SCFD2: variants seen among roughly 807,000 people sequenced by gnomAD.
SCFD2 encodes the protein sec1 family domain containing 2, also known as sec1 family domain-containing protein 2.
A neutral mutation model predicts 58.9 loss-of-function variants in SCFD2; 54 were observed. The ratio of observed to expected loss-of-function variants is 0.92; its 90% CI spans 0.74 to 1.15. The LOEUF is 1.15. SCFD2 is among the 50% of genes most tolerant of loss of function. The pLI is 0.00. For synonymous variants in SCFD2, 321 were observed against 335.9 expected (o/e 0.96, Z 0.49); for missense variants, 805 against 836.6 (o/e 0.96, Z 0.47).
intron 5 of SCFD2, among the ~76,000 whole-genome samples, chr4:53,113,833 GAGGCATTATTTCTTCTCACTATTGTGAGA>G (rs535812551): frequency 2.4e-5 from 2 of 82,828 alleles, no homozygotes; most frequent in Admixed American, 1.4e-4. Flanking sequence ...CAATAACAAT[GAGGCATTATTTCTTCTCACTATTGTGAGA>G]AGGCATTATT....
At chr4:53,012,838 T>G (rs879922521) in intron 5 of SCFD2, among the ~76,000 whole-genome samples, 6 of 148,952 alleles carry the variant, frequency 4.0e-5, no homozygotes, top group African/African-American at 1.5e-4. Context: ...GTGTGTGTGT[T>G]TTTTTTTAAG....
intron 4 of SCFD2, among the ~76,000 whole-genome samples, chr4:53,196,858 T>C (rs1728074172): frequency 1.3e-5 from 2 of 152,088 alleles, no homozygotes; most frequent in African/African-American, 4.8e-5. Context: ...AATACAAAGC[T>C]ATTTAGAGAC....
In SCFD2 at chr4:53,161,214, G is replaced by T. The variant is rs139157488; in HGVS notation, c.1312-15632C>A. Among the ~76,000 whole-genome samples the T allele has an allele frequency of 2.4e-3, 362 of 152,294 alleles. 1 individual carries two copies. Among genetic ancestry groups the T allele is most frequent in the African/African-American group, 8.0e-3 (334 of 41,566 alleles). ...GGTTGTTGATAATCTTCCAGGTTGA[G>T]CTGGGTGATGATTACACAGCTGTCT... On this transcript the variant is annotated intron_variant, in intron 4 of 8. Transcript: ENST00000401642.
intron 5 of SCFD2, chr4:52,956,327 G>A (rs1280128757): frequency 8.9e-6 from 4 of 447,270 alleles, no homozygotes; most frequent in Non-Finnish European, 1.8e-5. Flanking sequence ...TCATGACAGA[G>A]GTCAAGGGGA....
intron 5 of SCFD2, among the ~76,000 whole-genome samples, chr4:53,011,422 A>T (rs775468784): frequency 7.9e-5 from 12 of 152,200 alleles, no homozygotes; most frequent in Non-Finnish European, 1.6e-4. Flanking sequence ...GAGAAGAAGG[A>T]CTTGATTAGG....
intron 4 of SCFD2, among the ~76,000 whole-genome samples, chr4:53,215,139 C>G (rs894396249): frequency 9.2e-5 from 14 of 152,018 alleles, no homozygotes; most frequent in African/African-American, 3.1e-4. Flanking sequence ...AATGCAGGCT[C>G]TTTTTTGGTT....
At chr4:52,892,655 C>T (rs1451484821) in intron 7 of SCFD2, among the ~76,000 whole-genome samples, 1 of 152,200 alleles carries the variant, frequency 6.6e-6, no homozygotes, top group African/African-American at 2.4e-5. Flanking sequence ...TCTCTGACTC[C>T]CTGACTGAGC....
At chr4:53,267,094 G>C (rs566969450) in intron 4 of SCFD2, among the ~76,000 whole-genome samples, 2 of 152,066 alleles carry the variant, frequency 1.3e-5, no homozygotes, top group African/African-American at 2.4e-5. Context: ...TTCTAAGACC[G>C]ATTTCTTTTT....
At chr4:53,234,269 T>C (rs1330834429) in intron 4 of SCFD2, among the ~76,000 whole-genome samples, 1 of 152,206 alleles carries the variant, frequency 6.6e-6, no homozygotes, top group Non-Finnish European at 1.5e-5. Context: ...ACAGAATACT[T>C]TGGAAAAGGC....
chr4:53,166,365 T>C (rs1727008617), intron 4 of SCFD2, among the ~76,000 whole-genome samples: 1 of 152,214 alleles, frequency 6.6e-6, no homozygotes, highest in African/African-American at 2.4e-5. Flanking sequence ...TTTCTTTGCT[T>C]TTGTGGCAAA....
At chr4:52,923,370 T>C (rs1235547754) in intron 5 of SCFD2, among the ~76,000 whole-genome samples, 1 of 151,866 alleles carries the variant, frequency 6.6e-6, no homozygotes, top group East Asian at 1.9e-4. Context: ...CCGAGCTACT[T>C]GGGAGGCTGA....
At chr4:53,096,739 T>C (rs1338947302) in intron 5 of SCFD2, among the ~76,000 whole-genome samples, 3 of 152,246 alleles carry the variant, frequency 2.0e-5, no homozygotes, top group African/African-American at 7.2e-5. Flanking sequence ...TTTGTCAATT[T>C]TGGCTTTTGT....
intron 4 of SCFD2, among the ~76,000 whole-genome samples, chr4:53,266,499 G>A (rs1730988319): frequency 6.6e-6 from 1 of 151,952 alleles, no homozygotes; most frequent in South Asian, 2.1e-4. Context: ...AACACTATGA[G>A]GTAGATACTT....
At chr4:52,914,565 T>G (rs1227660675) in intron 6 of SCFD2, among the ~76,000 whole-genome samples, 2 of 152,140 alleles carry the variant, frequency 1.3e-5, no homozygotes, top group East Asian at 3.9e-4. Context: ...GGGGAGCTAC[T>G]TTCCTGTCTC....
intron 5 of SCFD2, among the ~76,000 whole-genome samples, chr4:53,143,795 T>TACACACACATAC (rs1553880504): frequency 1.4e-4 from 20 of 146,658 alleles, no homozygotes; most frequent in African/African-American, 4.8e-4. Context: ...CACCTAAACA[T>TACACACACATAC]ACACACACAC....
intron 5 of SCFD2, among the ~76,000 whole-genome samples, chr4:53,143,751 C>G (rs1227479642): frequency 6.6e-6 from 1 of 151,608 alleles, no homozygotes; most frequent in African/African-American, 2.4e-5. Flanking sequence ...TAAGCGGCCT[C>G]AGCTGCAACT....
chr4:53,281,199 T>C (rs774933782), intron 3 of SCFD2, among the ~76,000 whole-genome samples: 1 of 152,250 alleles, frequency 6.6e-6, no homozygotes, highest in Non-Finnish European at 1.5e-5. Flanking sequence ...GTTCTATATA[T>C]GCTGTAACAT....
At chr4:53,152,930 C>T (rs149783043) in intron 4 of SCFD2, among the ~76,000 whole-genome samples, 161 of 152,336 alleles carry the variant, frequency 1.1e-3, no homozygotes, top group Middle Eastern at 3.4e-3. Context: ...GACTCTATGT[C>T]TCACATCCTG....
chr4:53,335,783 T>C (rs1733666205), intron 2 of SCFD2, among the ~76,000 whole-genome samples: 2 of 152,156 alleles, frequency 1.3e-5, no homozygotes, highest in South Asian at 4.1e-4. Context: ...AAGTTGAGTA[T>C]GTGAATGAGG....
Sources: allele counts gnomAD v4.1 joint callset (sites outside exome capture counted in the v4.1 genomes callset), GRCh38; gene constraint gnomAD v4.1.1; transcripts MANE v1.5; gene names NCBI Gene and HGNC (gene_info 2026-07-23, HGNC 2026-07-21).